The following ALK variants were observed in gnomAD, a reference collection of about 807,000 sequenced individuals.
ALK encodes the protein ALK tyrosine kinase receptor.
ALK carries 74 observed loss-of-function variants against 163.1 expected under a neutral mutation model. That is an observed-to-expected ratio of 0.45 (90% CI 0.38 to 0.55). The LOEUF is 0.55. ALK is among the 20% of genes least tolerant of loss of function. ALK has a pLI of 0.00. For missense variants in ALK, 2,063 were observed against 2,105.3 expected (o/e 0.98, Z 0.39); for synonymous variants, 960 against 843.2 (o/e 1.14, Z -2.40).
intron 4 of ALK, among the ~76,000 whole-genome samples, chr2:29,500,202 G>C (rs1672131657): frequency 6.6e-6 from 1 of 152,166 alleles, no homozygotes; most frequent in Non-Finnish European, 1.5e-5. Flanking sequence ...GACCTGGTGG[G>C]AGGCAACTGG....
intron 1 of ALK, among the ~76,000 whole-genome samples, chr2:29,834,307 A>T (rs1040734565): frequency 6.6e-6 from 1 of 152,186 alleles, no homozygotes; most frequent in Admixed American, 6.5e-5. Context: ...AAAGTGAAAA[A>T]TTCAGCTGAT....
intron 1 of ALK, among the ~76,000 whole-genome samples, chr2:29,749,310 T>C (rs1680289968): frequency 6.6e-6 from 1 of 152,184 alleles, no homozygotes; most frequent in Non-Finnish European, 1.5e-5. Flanking sequence ...GTGATATAGA[T>C]GAAAGGTAAC....
chr2:29,791,141 G>A (rs999486831), intron 1 of ALK, among the ~76,000 whole-genome samples: 15 of 152,236 alleles, frequency 9.9e-5, no homozygotes, highest in Middle Eastern at 3.4e-3. Context: ...TGTACCATAT[G>A]TAATTGATGT....
chr2:29,491,352 T>C (rs1011447955), intron 4 of ALK, among the ~76,000 whole-genome samples: 1 of 152,162 alleles, frequency 6.6e-6, no homozygotes, highest in Non-Finnish European at 1.5e-5. Context: ...TCAGTAAGTA[T>C]GCGTTGATTG....
At chr2:29,788,128 G>A (rs1482859955) in intron 1 of ALK, among the ~76,000 whole-genome samples, 1 of 152,210 alleles carries the variant, frequency 6.6e-6, no homozygotes, top group Non-Finnish European at 1.5e-5. Flanking sequence ...CTGTCTATAA[G>A]GACAACAAAC....
chr2:29,860,084 T>C (rs540493475), intron 1 of ALK, among the ~76,000 whole-genome samples: 4 of 152,250 alleles, frequency 2.6e-5, no homozygotes, highest in East Asian at 1.9e-4. Context: ...TTAAGCAACA[T>C]TGAGTGCTTC....
intron 1 of ALK, among the ~76,000 whole-genome samples, chr2:29,884,675 A>T (rs1413391627): frequency 2.6e-5 from 4 of 152,254 alleles, no homozygotes; most frequent in Non-Finnish European, 4.4e-5. Flanking sequence ...AAGGTGAAGG[A>T]TCTAAAACTG....
chr2:29,405,529 C>T (rs563020003), intron 4 of ALK, among the ~76,000 whole-genome samples: 32 of 152,308 alleles, frequency 2.1e-4, no homozygotes, highest in African/African-American at 6.7e-4. Flanking sequence ...TGAGTTCCTA[C>T]GGCACCATCA....
At chr2:29,335,064 C>T (rs563106743) in intron 5 of ALK, among the ~76,000 whole-genome samples, 4 of 152,282 alleles carry the variant, frequency 2.6e-5, no homozygotes, top group African/African-American at 4.8e-5. Flanking sequence ...TGCAGAGCAA[C>T]GAGGAAGGGC....
At chr2:29,464,144 A>C (rs1022977578) in intron 4 of ALK, among the ~76,000 whole-genome samples, 3 of 152,216 alleles carry the variant, frequency 2.0e-5, no homozygotes, top group Non-Finnish European at 2.9e-5. Flanking sequence ...ATAAAATCAC[A>C]ATGTCTAGTA....
chr2:29,637,080 T>A (rs1361887473), intron 3 of ALK, among the ~76,000 whole-genome samples: 1 of 152,186 alleles, frequency 6.6e-6, no homozygotes, highest in Non-Finnish European at 1.5e-5. Context: ...GTGGTTGCTC[T>A]CCTGAAAATG....
rs149694391 is a variant in ALK, at chr2:29,193,542, G to A, written c.4545C>T (p.Pro1515=). 6.2e-7 allele frequency: 1 copy of A among 1,614,180 alleles called. No individual in the cohort carries two copies. Among genetic ancestry groups the A allele is most frequent in the South Asian group, 1.1e-5 (1 of 91,070 alleles). The part of the protein sequence containing the change: ...PTYGSWFTEK[P]TKKNNPIAKK... ...TTGCTATAGGATTATTCTTTTTGGT[G>A]GGTTTCTCTGTAAACCAGGAGCCGT... The change falls in exon 29 of 29, where the codon CCC becomes CCT. Residue 1515 remains proline, a synonymous_variant. Transcript: ENST00000389048.
At chr2:29,211,041 G>A (rs1669453180) in intron 24 of ALK, among the ~76,000 whole-genome samples, 2 of 152,166 alleles carry the variant, frequency 1.3e-5, no homozygotes, top group South Asian at 4.1e-4. Flanking sequence ...CTGTTTTCAT[G>A]TTCAACTGGT....
At chr2:29,445,222 C>A (rs1670642417) in intron 4 of ALK, among the ~76,000 whole-genome samples, 1 of 152,120 alleles carries the variant, frequency 6.6e-6, no homozygotes, top group Non-Finnish European at 1.5e-5. Context: ...AGTGATAGAT[C>A]ACAGGGAGAA....
chr2:29,232,815 T>C (rs772831374), intron 14 of ALK, among the ~76,000 whole-genome samples: 1 of 152,196 alleles, frequency 6.6e-6, no homozygotes, highest in Admixed American at 6.5e-5. Flanking sequence ...CAGGTCTCTC[T>C]ATGCTCTCTC....
At chr2:29,374,326 G>A (rs527491519) in intron 5 of ALK, among the ~76,000 whole-genome samples, 2 of 152,204 alleles carry the variant, frequency 1.3e-5, no homozygotes, top group South Asian at 4.2e-4. Flanking sequence ...AGCTCAAAAA[G>A]GTGGTGAGCG....
intron 25 of ALK, among the ~76,000 whole-genome samples, chr2:29,207,666 G>A (rs1006423936): frequency 6.6e-6 from 1 of 152,224 alleles, no homozygotes; most frequent in Non-Finnish European, 1.5e-5. Context: ...AGAACTGAGA[G>A]CAGGGCTTGT....
At chr2:29,241,913 T>TC (rs1277657997) in intron 12 of ALK, among the ~76,000 whole-genome samples, 1 of 152,090 alleles carries the variant, frequency 6.6e-6, no homozygotes, top group African/African-American at 2.4e-5. Flanking sequence ...CCCTTGCACA[T>TC]CCCCTCTTAG....
chr2:29,293,150 T>C (rs535635840), intron 9 of ALK, among the ~76,000 whole-genome samples: 2 of 152,374 alleles, frequency 1.3e-5, no homozygotes, highest in East Asian at 3.9e-4. Flanking sequence ...GTTGCTCTGA[T>C]ATACAGAACA....
Sources: allele counts gnomAD v4.1 joint callset (sites outside exome capture counted in the v4.1 genomes callset), GRCh38; gene constraint gnomAD v4.1.1; transcripts MANE v1.5; gene names NCBI Gene and HGNC (gene_info 2026-07-23, HGNC 2026-07-21).